Variants in MUC4 observed in about 807,000 individuals in gnomAD.
MUC4 encodes mucin 4, cell surface associated.
Under a neutral mutation model 257.9 loss-of-function variants are expected in MUC4, and 202 were observed. That is an observed-to-expected ratio of 0.78 (90% CI 0.70 to 0.88). MUC4 has a LOEUF of 0.88. MUC4 is among the 40% of genes least tolerant of loss of function. The probability of loss-of-function intolerance (pLI) is 0.00; values close to 1 mark genes in which losing one functional copy is unlikely to be tolerated. For synonymous variants in MUC4, 2,351 were observed against 2,757.1 expected, an observed-to-expected ratio of 0.85 and a Z score of 4.62; for missense variants, 5,976 against 6,513.7, an observed-to-expected ratio of 0.92 and a Z score of 2.84.
intron 15 of MUC4, 23 bp from the exon 16 acceptor site, chr3:195,761,140 G>T: frequency 1.3e-6 from 2 of 1,598,486 alleles, no homozygotes; most frequent in African/African-American, 1.3e-5. Flanking sequence ...GAGCGCGGTG[G>T]TACCAGGCAT....
At position 195,778,830 on chromosome 3, in the gene MUC4, G is replaced by C; in HGVS notation, c.12750C>G (p.Ser4250=). 3 of 1,612,304 alleles carry C rather than the reference G, an allele frequency of 1.9e-6. No homozygotes were observed. Among genetic ancestry groups the C allele is most frequent in the Non-Finnish European group, 2.5e-6 (3 of 1,179,512 alleles). Residue 4250 remains serine (S), a synonymous_variant, in exon 2 of 25, where the codon TCC becomes TCG. Transcript: ENST00000463781. ...TCAGAGGGGAGTCCGAGGATACTGT[G>C]GAAGCTGAGGTAGCACTGCTGACAG... ...PLAVSSATSA[S]TVSSDSPLKM...
chr3:195,779,595 T>G lies in MUC4; in HGVS notation c.11985A>C (p.Thr3995=), dbSNP rs1553868545. The G allele has an allele frequency of 8.0e-6, 11 of 1,383,580 alleles. No individual in the cohort carries two copies. The highest frequency in any genetic ancestry group is 2.8e-5 in the East Asian group (1 of 35,338). The allele number at this position is 1,383,580 out of a possible 1,614,324, so 85.7% of individuals were successfully genotyped here. ...TGACAGGAAGAGGGGTGGCGTGACC[T>G]GTGGATACTGAGGAAGTGTCGGTGA... ...LPVTDTSSVS[T]GHATPLPVTS... Residue 3995 remains threonine (T), a synonymous_variant, in exon 2 of 25, where the codon ACA becomes ACC. Transcript: ENST00000463781.
In MUC4 at chr3:195,797,984, T is replaced by G. The variant is rs572758884; in HGVS notation, c.83-6487A>C. 1.4e-4 allele frequency among the ~76,000 whole-genome samples: 21 copies of G among 152,152 alleles called. No individual in the cohort carries two copies. The South Asian group carries it at 1.9e-3, about 14-fold the overall frequency. ...AAAATAAAAAATTAGCTGGGCATAGTAGCACACACATATAGTTCCAGCTAC... is the reference window on the plus strand; with the variant it reads ...AAAATAAAAAATTAGCTGGGCATAGGAGCACACACATATAGTTCCAGCTAC... On this transcript the variant is annotated intron_variant, in intron 1 of 24. Transcript: ENST00000463781.
chr3:195,759,090 TC>T (rs1161287430), intron 17 of MUC4, 33 bp downstream of exon 17: 1 of 1,505,322 alleles, frequency 6.6e-7, no homozygotes, highest in Admixed American at 1.7e-5. Flanking sequence ...CCTACCCACC[TC>T]CCCACTCTCC....
rs945616649 is a variant in MUC4, at chr3:195,770,543, A to G, written c.13243-172T>C. On this transcript the variant is annotated intron_variant, in intron 5 of 24. Transcript: ENST00000463781. Reference sequence around the variant, plus strand: ...CTTTTCTGAGGTGAAGTTCAATTCAAACTTGGGCTGCAGGAAGGCCTGCAG... The same window carrying G: ...CTTTTCTGAGGTGAAGTTCAATTCAGACTTGGGCTGCAGGAAGGCCTGCAG... The G allele has an allele frequency of 8.6e-6, 6 of 695,024 alleles. No homozygotes were observed. In the Admixed American group the frequency reaches 1.7e-4, roughly 20 times the overall value. The allele number at this position is 695,024 out of a possible 1,614,324, so 43.1% of individuals were successfully genotyped here. A position where few individuals can be genotyped will look rare whatever the true frequency, so the allele number is the denominator to read the frequency against.
chr3:195,769,431 T>C, intron 6 of MUC4: 1 of 412,018 alleles, frequency 2.4e-6, no homozygotes, highest in Non-Finnish European at 4.4e-6. Context: ...TTCAGTTAGA[T>C]GAGTGTTTGT....
chr3:195,783,461 CAGGAAGAGAGGTGGTGTCACCTGTGGATG>C lies in MUC4; in HGVS notation c.8090_8118del (p.Ala2697GlyfsTer11). ...GTGTATGCTGAGGAAGTGTCGGTGA[CAGGAAGAGAGGTGGTGTCACCTGTGGATG>C]CTGAGGAAGTGTCGGTGACAGGAAG... On this transcript the variant is annotated frameshift_variant, in exon 2 of 25. Transcript: ENST00000463781. LOFTEE classifies it high-confidence loss of function. 2 of 919,232 alleles carry C rather than the reference CAGGAAGAGAGGTGGTGTCACCTGTGGATG, an allele frequency of 2.2e-6. 1 individual carries two copies. Among genetic ancestry groups the C allele is most frequent in the Non-Finnish European group, 2.9e-6 (2 of 699,586 alleles). The allele number at this position is 919,232 out of a possible 1,614,324, so 56.9% of individuals were successfully genotyped here. A position where few individuals can be genotyped will look rare whatever the true frequency, so the allele number is the denominator to read the frequency against.
At chr3:195,800,890 GAAAAA>G (rs59625247) in intron 1 of MUC4, among the ~76,000 whole-genome samples, 462 of 91,330 alleles carry the variant, frequency 5.1e-3, no homozygotes, top group Non-Finnish European at 7.2e-3. Context: ...CCCCTTCTCT[GAAAAA>G]AAAAAAAAAA....
intron 7 of MUC4, among the ~76,000 whole-genome samples, chr3:195,767,644 GCCACCACCACCA>G (rs1199351487): frequency 8.8e-5 from 2 of 22,724 alleles, no homozygotes; most frequent in Non-Finnish European, 1.7e-4. Context: ...CACCACCATC[GCCACCACCACCA>G]CCACCACCAT....
intron 1 of MUC4, among the ~76,000 whole-genome samples, chr3:195,806,854 G>A (rs1736052534): frequency 6.6e-6 from 1 of 152,220 alleles, no homozygotes; most frequent in African/African-American, 2.4e-5. Context: ...CAGAGCAGCT[G>A]GCATGAGTAG....
intron 5 of MUC4, among the ~76,000 whole-genome samples, chr3:195,771,051 G>A (rs1722736018): frequency 7.1e-6 from 1 of 140,404 alleles, no homozygotes; most frequent in Non-Finnish European, 1.6e-5. Context: ...TCTCGTGGTT[G>A]GGTTGGGGTA....
rs758718731 is a variant in MUC4 at position 195,749,009 on chromosome 3, G to T, written c.15927C>A (p.Asp5309Glu). 7.5e-6 allele frequency: 12 copies of T among 1,610,046 alleles called. No homozygotes were observed. The South Asian group carries it at 1.2e-4, about 16-fold the overall frequency. The change falls in exon 24 of 25, where the codon GAC (aspartate) becomes GAA (glutamate). Residue 5309 changes from aspartate (D) to glutamate (E), a missense_variant. Transcript: ENST00000463781. ...YFRCDGYKGY[D>E]LVYSPQSGFT... ...AGCCGCTCTGGGGGCTGTAGACCAGGTCGTAGCCCTTGTAGCCATCGCATC... is the reference window on the plus strand; with the variant it reads ...AGCCGCTCTGGGGGCTGTAGACCAGTTCGTAGCCCTTGTAGCCATCGCATC...
In MUC4 at chr3:195,810,519, C is replaced by T. The variant is rs1259445851; in HGVS notation, c.82+1217G>A. Among the ~76,000 whole-genome samples the T allele has an allele frequency of 6.6e-6, 1 of 152,232 alleles. No individual in the cohort carries two copies. Among genetic ancestry groups the T allele is most frequent in the Non-Finnish European group, 1.5e-5 (1 of 68,034 alleles). ...AACATCTCCCACAGGCCTGGCATCC[C>T]TCCCCTCCCAGCTCTGTACACGGAG... On this transcript the variant is annotated intron_variant, in intron 1 of 24. Transcript: ENST00000463781. This position sits in a 1 kb window ranked among gnomAD's most constrained non-coding sequence, Gnocchi z 4.2.
Position 195,791,216 on chromosome 3 carries a change from A to T in MUC4, c.364T>A (p.Ser122Thr), listed in dbSNP as rs1451104355. ...ETAPPDEMTT[S>T]FPSSVTNTLM... ...GTGTTGGTGACACTGGAGGGAAATG[A>T]TGTGGTCATTTCATCTGGAGGAGCT... Residue 122 changes from serine to threonine, a missense_variant, in exon 2 of 25, where the codon TCA becomes ACA. Coordinates refer to ENST00000463781, the MANE Select transcript of MUC4 (RefSeq NM_018406.7). 2 of 1,465,624 alleles carry T rather than the reference A, an allele frequency of 1.4e-6. No individual in the cohort carries two copies. Among genetic ancestry groups the T allele is most frequent in the Non-Finnish European group, 1.9e-6 (2 of 1,057,440 alleles). 90.8% of individuals were successfully genotyped at this position (1,465,624 alleles called of 1,614,324 possible).
chr3:195,765,889 G>A (rs1720354419), intron 8 of MUC4, among the ~76,000 whole-genome samples: 1 of 152,040 alleles, frequency 6.6e-6, no homozygotes, highest in South Asian at 2.1e-4. Flanking sequence ...CTGGCTGTTA[G>A]CACGGTGTCC....
At chr3:195,760,555 T>C (rs1718617133) in intron 16 of MUC4, among the ~76,000 whole-genome samples, 1 of 108,942 alleles carries the variant, frequency 9.2e-6, no homozygotes, top group African/African-American at 3.2e-5. Context: ...GGTCCAGCGC[T>C]AGGATGGAGT....
intron 7 of MUC4, among the ~76,000 whole-genome samples, chr3:195,767,680 ATCACTGG>A (rs1210383394): frequency 3.7e-3 from 2 of 542 alleles, no homozygotes; most frequent in Non-Finnish European, 9.1e-3. Context: ...CATCACCACC[ATCACTGG>A]CCACCCCCCA....
chr3:195,759,347 G>A (rs1718312724), intron 16 of MUC4, 86 bp from the exon 17 acceptor site: 1 of 1,527,882 alleles, frequency 6.5e-7, no homozygotes, highest in Non-Finnish European at 8.9e-7. Flanking sequence ...TCTAATATGT[G>A]TGAGGCATTC....
intron 22 of MUC4, 36 bp from the exon 23 acceptor site, chr3:195,751,148 GC>G: frequency 6.8e-7 from 1 of 1,479,002 alleles, no homozygotes; most frequent in Non-Finnish European, 9.1e-7. Flanking sequence ...GGGGTGGGGG[GC>G]TGGGGGTGGG....
Sources: gnomAD v4.1 joint callset for allele counts (sites outside exome capture counted in the v4.1 genomes callset) on GRCh38, gnomAD v4.1.1 for gene constraint, Gnocchi (gnomAD v3.1) non-coding constraint, MANE v1.5 for transcripts, NCBI Gene and HGNC (gene_info 2026-07-23, HGNC 2026-07-21) for gene names.